Variants in SYNE1 observed in about 807,000 individuals in gnomAD.
SYNE1 encodes nesprin-1.
SYNE1 carries 616 observed loss-of-function variants against 1,111.0 expected under a neutral mutation model. The ratio of observed to expected loss-of-function variants is 0.55; its 90% confidence interval spans 0.52 to 0.59. The LOEUF (loss-of-function observed/expected upper bound fraction) is 0.59. Ranked by LOEUF, SYNE1 falls within the 20% of genes least tolerant of loss-of-function variation. The pLI is 0.00. For synonymous variants in SYNE1, 3,855 were observed against 3,825.8 expected (o/e 1.01, Z -0.28); for missense variants, 10,006 against 10,417.0 (o/e 0.96, Z 1.72).
intron 72 of SYNE1, among the ~76,000 whole-genome samples, chr6:152,349,411 C>T (rs2096703825): frequency 6.6e-6 from 1 of 152,322 alleles, no homozygotes; most frequent in Middle Eastern, 3.4e-3. Context: ...GTATTGTTAT[C>T]ATCCTAAAGG....
At chr6:152,495,819 TC>T (rs1475198705) in intron 11 of SYNE1, among the ~76,000 whole-genome samples, 1 of 152,212 alleles carries the variant, frequency 6.6e-6, no homozygotes, top group Admixed American at 6.5e-5. Context: ...AAGAACCCCT[TC>T]CCGTCCCTTG....
intron 41 of SYNE1, among the ~76,000 whole-genome samples, chr6:152,416,059 G>A (rs2098149382): frequency 6.6e-6 from 1 of 152,194 alleles, no homozygotes; most frequent in Non-Finnish European, 1.5e-5. Context: ...TCCATGTGTT[G>A]CAAGAGAAAA....
chr6:152,391,589 A>AAAAAAG (rs775095369), intron 51 of SYNE1, 21 bp from the exon 52 acceptor site: 5 of 1,558,124 alleles, frequency 3.2e-6, no homozygotes, highest in South Asian at 2.4e-5. Flanking sequence ...GGAAAAAAAA[A>AAAAAAG]AAAAAGAAAA....
chr6:152,266,323 A>G (rs1487989948), intron 100 of SYNE1, among the ~76,000 whole-genome samples: 2 of 152,204 alleles, frequency 1.3e-5, no homozygotes, highest in African/African-American at 4.8e-5. Context: ...GTGATGATAC[A>G]TACAGAGAGG....
At chr6:152,358,602 T>A in intron 65 of SYNE1, 65 bp from the exon 66 acceptor site, 2 of 1,534,296 alleles carry the variant, frequency 1.3e-6, no homozygotes, top group East Asian at 4.5e-5. Context: ...CAGTGTGCTG[T>A]AATTCACTTT....
chr6:152,133,410 C>T lies in SYNE1; in HGVS notation c.25867G>A (p.Ala8623Thr). ...QDMSCQLLVN[A>T]EGTDCLEAKE... ...GCTTCTAAACAGTCTGTTCCTTCAG[C>T]ATTCACCAGTAGTTGGCAAGACATG... is the stretch of plus-strand genomic sequence containing the variant. Residue 8623 changes from alanine to threonine, a missense_variant, in exon 143 of 146, where the codon GCT becomes ACT. Ala to Thr is a moderately conservative substitution (Grantham distance 58). Transcript: ENST00000367255. The T allele has an allele frequency of 6.2e-7, 1 of 1,614,208 alleles. No homozygotes were observed.
intron 132 of SYNE1, chr6:152,155,546 C>G: frequency 2.9e-6 from 1 of 341,670 alleles, no homozygotes; most frequent in South Asian, 2.6e-5. Flanking sequence ...TTTTCTGCCA[C>G]CTTGAATTTC....
At chr6:152,297,263 GC>G (rs1371362764) in intron 93 of SYNE1, among the ~76,000 whole-genome samples, 1 of 152,034 alleles carries the variant, frequency 6.6e-6, no homozygotes. Context: ...GGTTTCTTCT[GC>G]CTGAAAATCT....
intron 4 of SYNE1, among the ~76,000 whole-genome samples, chr6:152,529,097 C>T (rs989002622): frequency 6.6e-6 from 1 of 152,132 alleles, no homozygotes; most frequent in African/African-American, 2.4e-5. Flanking sequence ...GAATAGCACT[C>T]AGCACACTTA....
At chr6:152,397,007 TC>T in intron 49 of SYNE1, 27 bp from the exon 50 acceptor site, 2 of 1,604,150 alleles carry the variant, frequency 1.2e-6, no homozygotes, top group Non-Finnish European at 1.7e-6. Context: ...AGGTAATAGG[TC>T]CATGGGACTA....
chr6:152,562,385 G>C (rs1243115812), intron 3 of SYNE1, among the ~76,000 whole-genome samples: 1 of 152,080 alleles, frequency 6.6e-6, no homozygotes. Flanking sequence ...TATCAAAATA[G>C]CAAAAGATAA....
At position 152,419,673 on chromosome 6, in the gene SYNE1, G is replaced by A. The variant is rs936258179; in HGVS notation, c.5317C>T (p.Leu1773=). Residue 1773 remains leucine, a synonymous_variant, in exon 40 of 146, where the codon CTG becomes TTG. Coordinates refer to ENST00000367255, the MANE Select transcript of SYNE1 (RefSeq NM_182961.4). ...ATCCAGACAGAAAAGGAAAGCAGCAGCTCATCAAATTGCTGGTGTTCAGCA... is the reference window on the plus strand; with the variant it reads ...ATCCAGACAGAAAAGGAAAGCAGCAACTCATCAAATTGCTGGTGTTCAGCA... ...VVAEHQQFDE[L]LLSFSVWIKL... is the part of the protein sequence containing the mutation. 1 of 1,614,032 alleles carries A rather than the reference G, an allele frequency of 6.2e-7. No individual in the cohort carries two copies. Among genetic ancestry groups the A allele is most frequent in the Admixed American group, 1.7e-5 (1 of 60,028 alleles).
intron 59 of SYNE1, among the ~76,000 whole-genome samples, chr6:152,371,940 A>AAGGAAAGGAAAGGAAAGGAC (rs2097198090): frequency 7.1e-6 from 1 of 140,896 alleles, no homozygotes; most frequent in African/African-American, 2.8e-5. Context: ...CAGGACAGGA[A>AAGGAAAGGAAAGGAAAGGAC]AGGAAAGGAA....
chr6:152,360,292 A>C (rs529405500), intron 64 of SYNE1, among the ~76,000 whole-genome samples: 1 of 151,946 alleles, frequency 6.6e-6, no homozygotes, highest in Non-Finnish European at 1.5e-5. Flanking sequence ...TGCTGCAACA[A>C]CACCTGCCTG....
rs2096302745 is a variant in SYNE1, at chr6:152,333,632, C to T, written c.12794+376G>A. On this transcript the variant is annotated intron_variant, in intron 77 of 145. Coordinates refer to ENST00000367255, the MANE Select transcript of SYNE1 (RefSeq NM_182961.4). Reference sequence around the variant, plus strand: ...TAAACAATAGATGTTATACCTAAGACATTTTATTTTATTTTTTTGAGACAG... The same window carrying T: ...TAAACAATAGATGTTATACCTAAGATATTTTATTTTATTTTTTTGAGACAG... 2.6e-5 allele frequency among the ~76,000 whole-genome samples: 4 copies of T among 151,824 alleles called. No individual in the cohort carries two copies. The South Asian group carries it at 6.2e-4, about 24-fold the overall frequency.
chr6:152,526,530 A>G (rs979144592), intron 4 of SYNE1, among the ~76,000 whole-genome samples: 2 of 152,334 alleles, frequency 1.3e-5, no homozygotes, highest in South Asian at 4.1e-4. Flanking sequence ...AGATTATAGC[A>G]GGACGTAAAA....
chr6:152,273,303 C>T (rs1589148438), intron 98 of SYNE1, among the ~76,000 whole-genome samples: 1 of 152,116 alleles, frequency 6.6e-6, no homozygotes, highest in East Asian at 1.9e-4. Flanking sequence ...GAAGCTTCTT[C>T]GTCTCAAAGA....
intron 55 of SYNE1, 179 bp from the exon 56 acceptor site, chr6:152,381,541 G>A (rs1043535762): frequency 3.8e-5 from 26 of 687,054 alleles, no homozygotes; most frequent in Non-Finnish European, 5.1e-5. Context: ...TTGTCATCAC[G>A]AGTGCCTAAG....
intron 97 of SYNE1, among the ~76,000 whole-genome samples, chr6:152,278,965 T>A (rs1294238585): frequency 1.3e-5 from 2 of 151,998 alleles, no homozygotes; most frequent in African/African-American, 2.4e-5. Context: ...AAACAAGGTC[T>A]CACTTTGTTG....
Sources: allele counts gnomAD v4.1 joint callset (sites outside exome capture counted in the v4.1 genomes callset), GRCh38; gene constraint gnomAD v4.1.1; transcripts MANE v1.5; gene names NCBI Gene and HGNC (gene_info 2026-07-23, HGNC 2026-07-21).